Variants in NSD3 observed in about 807,000 individuals in gnomAD.
NSD3 encodes the protein nuclear receptor binding SET domain protein 3, also known as histone-lysine N-methyltransferase NSD3.
A neutral mutation model predicts 160.8 loss-of-function variants in NSD3; 24 were observed. The observed-to-expected ratio is 0.15, with a 90% CI of 0.11 to 0.21. NSD3 has a LOEUF of 0.21. Among genes scored for constraint, NSD3 ranks in the 10% least tolerant of loss-of-function variants. The pLI, the probability that NSD3 is intolerant of heterozygous loss-of-function variation, is 1.00. For missense variants in NSD3, 1,157 were observed against 1,735.9 expected, an observed-to-expected ratio of 0.67 and a Z score of 5.93; for synonymous variants, 520 against 600.0, an observed-to-expected ratio of 0.87 and a Z score of 1.95.
intron 4 of NSD3, 135 bp downstream of exon 4, chr8:38,337,170 A>G: frequency 1.1e-6 from 1 of 887,198 alleles, no homozygotes. Flanking sequence ...AAAAAAATCC[A>G]CAAAACTGAT....
chr8:38,280,378 A>T (rs908019836), intron 20 of NSD3, among the ~76,000 whole-genome samples: 1 of 152,130 alleles, frequency 6.6e-6, no homozygotes, highest in Non-Finnish European at 1.5e-5. Context: ...CAGCAATCAT[A>T]AAGAACGACA....
At chr8:38,293,745 A>G (rs950314015) in intron 16 of NSD3, among the ~76,000 whole-genome samples, 2 of 151,252 alleles carry the variant, frequency 1.3e-5, no homozygotes, top group Admixed American at 6.6e-5. Context: ...CAACACAGTG[A>G]AACCCCGTCT....
At chr8:38,289,591 G>T in intron 17 of NSD3, 86 bp from the exon 18 acceptor site, 1 of 1,194,962 alleles carries the variant, frequency 8.4e-7, no homozygotes, top group Non-Finnish European at 1.2e-6. Context: ...CCTTCCCAAT[G>T]CTTTGCATCT....
At chr8:38,334,114 T>G (rs1355199967) in intron 4 of NSD3, among the ~76,000 whole-genome samples, 2 of 152,156 alleles carry the variant, frequency 1.3e-5, no homozygotes, top group Non-Finnish European at 2.9e-5. Flanking sequence ...TTAGGCTGTG[T>G]TTTTTTGGTT....
At position 38,315,480 on chromosome 8, in the gene NSD3, T is replaced by C. The variant is rs757370648; in HGVS notation, c.2051A>G (p.Gln684Arg). 2 of 1,612,430 alleles carry C rather than the reference T, an allele frequency of 1.2e-6. No homozygotes were observed. Among genetic ancestry groups the C allele is most frequent in the Admixed American group, 3.4e-5 (2 of 59,580 alleles). ...TCTCGACAAACTTGAATCCATGGACTGCACATCAGAAACGTCTGCATCTGC... is the reference window on the plus strand; with the variant it reads ...TCTCGACAAACTTGAATCCATGGACCGCACATCAGAAACGTCTGCATCTGC... Reference protein sequence around the residue: ...ATADADVSDVQSMDSSLSRRG... With the variant: ...ATADADVSDVRSMDSSLSRRG... Residue 684 changes from glutamine (Q) to arginine (R), a missense_variant, in exon 11 of 24, where the codon CAG (glutamine) becomes CGG (arginine). By Grantham distance (43) the Gln-to-Arg change is conservative (BLOSUM62 1). Coordinates refer to ENST00000317025, the MANE Select transcript of NSD3 (RefSeq NM_023034.2).
rs190644512 is a variant in NSD3 at position 38,278,227 on chromosome 8, C to G, written c.3867+79G>C. On this transcript the variant is annotated intron_variant, in intron 22 of 23. Coordinates refer to ENST00000317025, the MANE Select transcript of NSD3 (RefSeq NM_023034.2). ...TGCTGGGATTACAGGCATGAGCCAC[C>G]GCGCCCGGCCAAACAGACTTCTTAA... 5.7e-4 allele frequency: 745 copies of G among 1,313,974 alleles called. 8 individuals are homozygous for G. In the African/African-American group the frequency reaches 9.6e-3, roughly 17 times the overall value. The allele number at this position is 1,313,974 out of a possible 1,614,324, so 81.4% of individuals were successfully genotyped here. A position where few individuals can be genotyped will look rare whatever the true frequency, so the allele number is the denominator to read the frequency against.
In NSD3 at chr8:38,331,696, T is replaced by C. The variant is rs535912553; in HGVS notation, c.911-111A>G. On this transcript the variant is annotated intron_variant, in intron 4 of 23. Coordinates refer to ENST00000317025, the MANE Select transcript of NSD3 (RefSeq NM_023034.2). Reference sequence around the variant, plus strand: ...TCAGTATTACTCCCACTAAAACTTGTATGTTTGGATTGTCCAAAGATATGT... The same window carrying C: ...TCAGTATTACTCCCACTAAAACTTGCATGTTTGGATTGTCCAAAGATATGT... The C allele has an allele frequency of 8.4e-5, 92 of 1,101,014 alleles. No individual in the cohort carries two copies. In the African/African-American group the frequency reaches 1.2e-3, roughly 15 times the overall value. The allele number at this position is 1,101,014 out of a possible 1,614,324, so 68.2% of individuals were successfully genotyped here. A position where few individuals can be genotyped will look rare whatever the true frequency, so the allele number is the denominator to read the frequency against.
intron 15 of NSD3, 120 bp downstream of exon 15, chr8:38,299,324 G>A: frequency 9.5e-7 from 1 of 1,055,462 alleles, no homozygotes. Context: ...CAACCACCAA[G>A]GCAGAATTTA....
intron 4 of NSD3, 46 bp from the exon 5 acceptor site, chr8:38,331,631 A>G (rs767432188): frequency 6.3e-7 from 1 of 1,592,200 alleles, no homozygotes; most frequent in Non-Finnish European, 8.5e-7. Flanking sequence ...ATAAGCATTC[A>G]CATCTACTTT....
At chr8:38,347,107 T>C (rs1810556889) in intron 2 of NSD3, among the ~76,000 whole-genome samples, 1 of 152,212 alleles carries the variant, frequency 6.6e-6, no homozygotes, top group Non-Finnish European at 1.5e-5. Flanking sequence ...ACATTAGCAA[T>C]GAGTGTTAAA....
At chr8:38,307,270 T>C (rs1809430959) in intron 12 of NSD3, among the ~76,000 whole-genome samples, 1 of 152,108 alleles carries the variant, frequency 6.6e-6, no homozygotes, top group African/African-American at 2.4e-5. Context: ...CTGCAACCTT[T>C]GCCTCCTAAG....
At chr8:38,297,378 G>C (rs900336122) in intron 15 of NSD3, among the ~76,000 whole-genome samples, 3 of 152,136 alleles carry the variant, frequency 2.0e-5, no homozygotes, top group African/African-American at 7.2e-5. Flanking sequence ...CACTGAAGAT[G>C]AAATATAATA....
rs563982509 is a variant in NSD3, at chr8:38,289,301, G to C, written c.3231+92C>G. On this transcript the variant is annotated intron_variant, in intron 18 of 23. Transcript: ENST00000317025. ...TAACTACTAAAGAGTAATGCATTTC[G>C]TCTCATCTATTAAATAACAATGCTT... is the stretch of plus-strand genomic sequence containing the variant. 103 of 1,200,958 alleles carry C rather than the reference G, an allele frequency of 8.6e-5. No individual in the cohort carries two copies. The African/African-American group carries it at 1.4e-3, about 17-fold the overall frequency. 74.4% of individuals were successfully genotyped at this position (1,200,958 alleles called of 1,614,324 possible). A position where few individuals can be genotyped will look rare whatever the true frequency, so the allele number is the denominator to read the frequency against.
intron 3 of NSD3, among the ~76,000 whole-genome samples, chr8:38,338,003 TAAG>T (rs1230679916): frequency 2.0e-5 from 3 of 152,138 alleles, no homozygotes; most frequent in Middle Eastern, 3.2e-3. Context: ...CAAGGCATGT[TAAG>T]AATACACATG....
intron 1 of NSD3, among the ~76,000 whole-genome samples, chr8:38,376,926 C>T (rs957180794): frequency 6.6e-6 from 1 of 152,032 alleles, no homozygotes; most frequent in Non-Finnish European, 1.5e-5. Context: ...CTATTATTTA[C>T]TTATAATAGC....
At chr8:38,297,433 T>G (rs1471006262) in intron 15 of NSD3, among the ~76,000 whole-genome samples, 2 of 152,132 alleles carry the variant, frequency 1.3e-5, no homozygotes, top group East Asian at 3.8e-4. Flanking sequence ...CATTGGAAAA[T>G]CAGGTCTATA....
chr8:38,283,909 C>T (rs1166757478), intron 19 of NSD3, among the ~76,000 whole-genome samples: 1 of 152,022 alleles, frequency 6.6e-6, no homozygotes, highest in Non-Finnish European at 1.5e-5. Context: ...TGAGATCAGC[C>T]TGGGCAACAC....
At chr8:38,303,638 T>C (rs1237878366) in intron 14 of NSD3, among the ~76,000 whole-genome samples, 3 of 152,250 alleles carry the variant, frequency 2.0e-5, no homozygotes, top group Non-Finnish European at 2.9e-5. Flanking sequence ...AAAGTTGTTA[T>C]AGTACTTTCA....
intron 1 of NSD3, among the ~76,000 whole-genome samples, chr8:38,373,891 A>G (rs1811320042): frequency 1.4e-5 from 2 of 143,860 alleles, no homozygotes; most frequent in South Asian, 2.3e-4. Context: ...TGAGCCCAGG[A>G]GCTCAAGACC....
Sources: allele counts gnomAD v4.1 joint callset (sites outside exome capture counted in the v4.1 genomes callset), GRCh38; gene constraint gnomAD v4.1.1; transcripts MANE v1.5; gene names NCBI Gene and HGNC (gene_info 2026-07-23, HGNC 2026-07-21).